Variants in MYO5A observed in about 807,000 individuals in gnomAD.
MYO5A encodes the protein myosin VA, also known as unconventional myosin-Va.
In MYO5A, 98 loss-of-function variants were observed where a neutral mutation model predicts 249.7. That is an observed-to-expected ratio of 0.39 (90% CI 0.33 to 0.46). The LOEUF is 0.46. Among genes scored for constraint, MYO5A ranks in the 20% least tolerant of loss-of-function variants. The pLI, the probability that MYO5A is intolerant of heterozygous loss-of-function variation, is 0.98. For synonymous variants in MYO5A, 778 were observed against 810.6 expected (o/e 0.96, Z 0.68); for missense variants, 1,696 against 2,308.8 (o/e 0.73, Z 5.44).
chr15:52,357,385 T>C (rs1208097380), intron 25 of MYO5A, among the ~76,000 whole-genome samples: 1 of 150,442 alleles, frequency 6.6e-6, no homozygotes, highest in Non-Finnish European at 1.5e-5. Context: ...GAGCCTTGAA[T>C]GGGCACTTTT....
At chr15:52,378,249 G>A (rs570929455) in intron 18 of MYO5A, among the ~76,000 whole-genome samples, 3 of 152,012 alleles carry the variant, frequency 2.0e-5, no homozygotes, top group Admixed American at 6.6e-5. Context: ...CAGGCTGGGC[G>A]CAGTGGCTCA....
chr15:52,426,044 T>C (rs2075387654), intron 3 of MYO5A, 70 bp from the exon 4 acceptor site: 6 of 1,340,760 alleles, frequency 4.5e-6, no homozygotes. Context: ...TCAAACTTAG[T>C]AAAGTGAGAC....
At chr15:52,346,604 A>G in intron 29 of MYO5A, 143 bp from the exon 30 acceptor site, 1 of 700,110 alleles carries the variant, frequency 1.4e-6, no homozygotes, top group Non-Finnish European at 2.6e-6. Context: ...CCCCAACCTC[A>G]TGTAACTGCA....
chr15:52,337,714 C>T, intron 33 of MYO5A, 96 bp downstream of exon 33: 1 of 899,482 alleles, frequency 1.1e-6, no homozygotes, highest in South Asian at 2.1e-5. Context: ...TTTGAAGAGA[C>T]TTCCTGGGAG....
intron 1 of MYO5A, among the ~76,000 whole-genome samples, chr15:52,470,797 C>T (rs562093731): frequency 5.3e-5 from 8 of 151,976 alleles, no homozygotes; most frequent in Non-Finnish European, 7.4e-5. Context: ...CCAAGGAGGG[C>T]GGATCACTCG....
At chr15:52,512,673 T>C (rs1482790735) in intron 1 of MYO5A, among the ~76,000 whole-genome samples, 1 of 152,220 alleles carries the variant, frequency 6.6e-6, no homozygotes, top group Non-Finnish European at 1.5e-5. Flanking sequence ...CCTTTTTAAA[T>C]AGTTTATTTT....
At chr15:52,519,001 A>G (rs568339883) in intron 1 of MYO5A, among the ~76,000 whole-genome samples, 1 of 152,316 alleles carries the variant, frequency 6.6e-6, no homozygotes, top group South Asian at 2.1e-4. Flanking sequence ...ATAACAAATC[A>G]TAACAGGGCA....
At chr15:52,321,792 T>TA (rs71875115) in intron 37 of MYO5A, among the ~76,000 whole-genome samples, 2,562 of 92,848 alleles carry the variant, frequency 0.028, 84 homozygotes, top group African/African-American at 0.074. Flanking sequence ...GGAACTTAAC[T>TA]AAAAAAAAAA....
chr15:52,410,761 A>G (rs562630992), intron 5 of MYO5A, among the ~76,000 whole-genome samples: 79 of 152,200 alleles, frequency 5.2e-4, no homozygotes, highest in African/African-American at 1.8e-3. Flanking sequence ...TATTTTTAGC[A>G]GAGACGGGGT....
rs981389099 is a variant in MYO5A at position 52,312,154 on chromosome 15, A to G, written c.*1542T>C. The G allele has an allele frequency of 6.6e-6, 1 of 152,318 alleles. No individual in the cohort carries two copies. Among genetic ancestry groups the G allele is most frequent in the African/African-American group, 2.4e-5 (1 of 41,578 alleles). The allele number at this position is 152,318 out of a possible 1,614,324, so 9.4% of individuals were successfully genotyped here. Reference sequence around the variant, plus strand: ...AACCAAATCCTCTGTAAAATTCAACAATCTTCTATTTCTTATATAAGTCTT... The same window carrying G: ...AACCAAATCCTCTGTAAAATTCAACGATCTTCTATTTCTTATATAAGTCTT... On this transcript the variant is annotated 3_prime_UTR_variant, in exon 42 of 42. Coordinates refer to ENST00000399233, the MANE Select transcript of MYO5A (RefSeq NM_001382347.1).
intron 4 of MYO5A, among the ~76,000 whole-genome samples, chr15:52,419,994 G>A (rs879782397): frequency 7.9e-5 from 12 of 152,078 alleles, no homozygotes; most frequent in South Asian, 4.1e-4. Context: ...ATACAACAGC[G>A]TTGAGAGGTG....
chr15:52,499,507 G>A (rs2141575377), intron 1 of MYO5A, among the ~76,000 whole-genome samples: 1 of 152,136 alleles, frequency 6.6e-6, no homozygotes, highest in East Asian at 1.9e-4. Flanking sequence ...CCCTCCCTCA[G>A]CCACTAGGAG....
At chr15:52,414,987 C>T (rs1290284106) in intron 5 of MYO5A, among the ~76,000 whole-genome samples, 3 of 152,088 alleles carry the variant, frequency 2.0e-5, no homozygotes, top group Non-Finnish European at 2.9e-5. Context: ...TGAACTTCCC[C>T]ATCATATCTT....
intron 11 of MYO5A, among the ~76,000 whole-genome samples, chr15:52,395,705 G>A (rs1478583330): frequency 1.3e-5 from 2 of 152,058 alleles, no homozygotes; most frequent in African/African-American, 4.8e-5. Context: ...ACTGACACAG[G>A]GTAGGATTCC....
intron 33 of MYO5A, among the ~76,000 whole-genome samples, chr15:52,336,972 T>G (rs1048513336): frequency 6.6e-6 from 1 of 152,184 alleles, no homozygotes; most frequent in Non-Finnish European, 1.5e-5. Flanking sequence ...GAACTGACAC[T>G]CCCCATGTGT....
intron 21 of MYO5A, among the ~76,000 whole-genome samples, chr15:52,371,222 A>C (rs761575455): frequency 4.6e-5 from 7 of 151,968 alleles, no homozygotes; most frequent in Non-Finnish European, 1.0e-4. Flanking sequence ...AAAATCTTCC[A>C]TCCCATTTCA....
intron 1 of MYO5A, among the ~76,000 whole-genome samples, chr15:52,445,920 C>T (rs1045227090): frequency 3.9e-5 from 6 of 152,108 alleles, no homozygotes; most frequent in African/African-American, 1.4e-4. Flanking sequence ...AGCAAAGAAG[C>T]GACTTAAAGT....
chr15:52,444,249 T>C (rs1462581271), intron 1 of MYO5A, among the ~76,000 whole-genome samples: 1 of 152,192 alleles, frequency 6.6e-6, no homozygotes, highest in Admixed American at 6.6e-5. Flanking sequence ...ACAGTGTTAA[T>C]ATGCATATCA....
chr15:52,383,562 G>C (rs2041848903), intron 15 of MYO5A, among the ~76,000 whole-genome samples: 1 of 152,188 alleles, frequency 6.6e-6, no homozygotes, highest in African/African-American at 2.4e-5. Context: ...AAACGTAGCA[G>C]ATGACTTAAA....
Sources: gnomAD v4.1 joint callset for allele counts (sites outside exome capture counted in the v4.1 genomes callset) on GRCh38, gnomAD v4.1.1 for gene constraint, MANE v1.5 for transcripts, NCBI Gene and HGNC (gene_info 2026-07-23, HGNC 2026-07-21) for gene names.